EDARADD: variants seen among roughly 807,000 people sequenced by gnomAD.
The protein encoded by EDARADD is ectodysplasin-A receptor-associated adapter protein.
A neutral mutation model predicts 25.6 loss-of-function variants in EDARADD; 20 were observed. The ratio of observed to expected loss-of-function variants is 0.78; its 90% CI spans 0.55 to 1.14. The LOEUF is 1.14. Ranked by LOEUF, EDARADD falls within the 50% of genes most tolerant of loss-of-function variation. EDARADD has a pLI of 0.00. For missense variants in EDARADD, 225 were observed against 270.1 expected (o/e 0.83, Z 1.17); for synonymous variants, 86 against 94.4 (o/e 0.91, Z 0.52).
At position 236,482,309 on chromosome 1, in the gene EDARADD, C is replaced by T. The variant is rs114632254; in HGVS notation, c.308C>T (p.Ser103Phe). 0.027 allele frequency: 42,989 copies of T among 1,614,052 alleles called. 704 individuals carry two copies. The highest frequency in any genetic ancestry group is 0.038 in the Middle Eastern group (233 of 6,062). ...DNSCKENCTC[S>F]SCLLRAPTIS... is the part of the protein sequence containing the mutation. ...TCCTGCAAAGAAAACTGTACTTGTT[C>T]CTCCTGCTTGCTCCGGGCCCCCACC... Residue 103 changes from serine to phenylalanine, a missense_variant, in exon 6 of 6, where the codon TCC (serine) becomes TTC (phenylalanine). By Grantham distance (155) the Ser-to-Phe change is radical (BLOSUM62 -2). Coordinates refer to ENST00000334232, the MANE Select transcript of EDARADD (RefSeq NM_145861.4).
rs1016016917 is a variant in EDARADD, at chr1:236,349,707, A to G, written c.-142+741A>G. Among the ~76,000 whole-genome samples, 3 of 152,254 alleles carry G rather than the reference A, an allele frequency of 2.0e-5. No individual in the cohort carries two copies. The South Asian group carries it at 6.2e-4, about 32-fold the overall frequency. Reference sequence around the variant, plus strand: ...AGGAAGTTCTCCGATAGCAGACTTCAGAGACAGCAGGTTGTAAAATGTTTC... The same window carrying G: ...AGGAAGTTCTCCGATAGCAGACTTCGGAGACAGCAGGTTGTAAAATGTTTC... On this transcript the variant is annotated intron_variant, in intron 2 of 7. Transcript: ENST00000439430.
intron 4 of EDARADD, among the ~76,000 whole-genome samples, chr1:236,443,530 G>T (rs1460021186): frequency 6.6e-6 from 1 of 152,200 alleles, no homozygotes; most frequent in East Asian, 1.9e-4. Context: ...TTCAGTGGGG[G>T]AAGTAACTGC....
At chr1:236,397,146 A>C (rs1667530660) in intron 1 of EDARADD, among the ~76,000 whole-genome samples, 1 of 152,152 alleles carries the variant, frequency 6.6e-6, no homozygotes, top group African/African-American at 2.4e-5. Context: ...GCAGTGGCTC[A>C]GGCCTGTAAT....
intron 3 of EDARADD, among the ~76,000 whole-genome samples, chr1:236,375,570 C>T (rs1667215695): frequency 2.1e-5 from 3 of 143,974 alleles, no homozygotes; most frequent in South Asian, 2.2e-4. Flanking sequence ...GCAGGAGAAT[C>T]GCTTGAACCC....
At chr1:236,478,274 A>T (rs1659563568) in intron 5 of EDARADD, among the ~76,000 whole-genome samples, 1 of 151,834 alleles carries the variant, frequency 6.6e-6, no homozygotes, top group Admixed American at 6.6e-5. Flanking sequence ...ATTTATGTGA[A>T]AGGTATGCAT....
In EDARADD at chr1:236,443,831, G is replaced by A. The variant is rs189249132; in HGVS notation, c.219+16381G>A. Among the ~76,000 whole-genome samples the A allele has an allele frequency of 1.8e-4, 28 of 152,328 alleles. No individual in the cohort carries two copies. The East Asian group carries it at 5.2e-3, about 28-fold the overall frequency. On this transcript the variant is annotated intron_variant, in intron 4 of 5. Coordinates refer to ENST00000334232, the MANE Select transcript of EDARADD (RefSeq NM_145861.4). ...TGCACGAAGCAGGGGCAGGGCTTGA[G>A]AGAATTGACTTCAATTTGGAAAGAG... is the stretch of plus-strand genomic sequence containing the variant.
chr1:236,456,316 G>A (rs1004613350), intron 4 of EDARADD, among the ~76,000 whole-genome samples: 24 of 152,144 alleles, frequency 1.6e-4, no homozygotes, highest in South Asian at 4.1e-4. Flanking sequence ...AGAGCTGGCC[G>A]CTCACTCACC....
At chr1:236,424,121 A>AAAT (rs1055031526) in intron 3 of EDARADD, among the ~76,000 whole-genome samples, 2 of 151,520 alleles carry the variant, frequency 1.3e-5, no homozygotes, top group Non-Finnish European at 2.9e-5. Context: ...ATAAATAAAT[A>AAAT]AAATAAAATT....
intron 4 of EDARADD, among the ~76,000 whole-genome samples, chr1:236,450,424 C>T (rs10925130): frequency 0.11 from 17,105 of 151,958 alleles, 1,977 homozygotes; most frequent in African/African-American, 0.29. Flanking sequence ...GCTTTCTTCA[C>T]TTACTACAGT....
rs564347647 is a variant in EDARADD at position 236,476,866 on chromosome 1, A to G, written c.266-5401A>G. 8.6e-5 allele frequency among the ~76,000 whole-genome samples: 13 copies of G among 151,300 alleles called. No individual in the cohort carries two copies. The East Asian group carries it at 2.6e-3, about 30-fold the overall frequency. ...AAATTAAAAAATTAGTTGGGCATGG[A>G]GGTGCATGCCAGCTACTCGGGAGGC... On this transcript the variant is annotated intron_variant, in intron 5 of 5. Transcript: ENST00000334232.
chr1:236,447,080 C>G (rs902166866), intron 4 of EDARADD, among the ~76,000 whole-genome samples: 5 of 152,060 alleles, frequency 3.3e-5, no homozygotes, highest in Non-Finnish European at 7.4e-5. Flanking sequence ...TCTCTGTGAC[C>G]CTGGGCAGTG....
intron 4 of EDARADD, among the ~76,000 whole-genome samples, chr1:236,449,683 A>T (rs756718935): frequency 1.3e-5 from 2 of 152,148 alleles, no homozygotes; most frequent in East Asian, 1.9e-4. Flanking sequence ...ATGCTTACCT[A>T]CCCTTTGCTA....
At chr1:236,365,370 A>G (rs901332010) in intron 3 of EDARADD, among the ~76,000 whole-genome samples, 1 of 152,178 alleles carries the variant, frequency 6.6e-6, no homozygotes. Flanking sequence ...TATGTTGCCC[A>G]GGATGATCTC....
At chr1:236,455,851 G>A (rs934430558) in intron 4 of EDARADD, among the ~76,000 whole-genome samples, 18 of 152,122 alleles carry the variant, frequency 1.2e-4, no homozygotes, top group East Asian at 1.9e-4. Context: ...GAGCAGTTGC[G>A]CGATCTTTGC....
rs981346747 is a variant in EDARADD at position 236,398,766 on chromosome 1, G to A, written c.61+4261G>A. Among the ~76,000 whole-genome samples, 14 of 152,274 alleles carry A rather than the reference G, an allele frequency of 9.2e-5. No homozygotes were observed. Among genetic ancestry groups the A allele is most frequent in the African/African-American group, 3.1e-4 (13 of 41,540 alleles). On this transcript the variant is annotated intron_variant, in intron 1 of 5. Transcript: ENST00000334232. This position sits in a 1 kb window ranked among gnomAD's most constrained non-coding sequence, Gnocchi z 4.1. Reference sequence around the variant, plus strand: ...CTCATAGGTCACCGGGATCCAGCCCGATGTTATACATGCTCAGCAAACCCT... The same window carrying A: ...CTCATAGGTCACCGGGATCCAGCCCAATGTTATACATGCTCAGCAAACCCT...
chr1:236,482,127 A>G, intron 5 of EDARADD, 140 bp from the exon 6 acceptor site: 1 of 1,077,564 alleles, frequency 9.3e-7, no homozygotes, highest in Non-Finnish European at 1.3e-6. Flanking sequence ...AAAAAAAAAA[A>G]AAAAGAAAGA....
chr1:236,376,992 G>C (rs1194814636), intron 3 of EDARADD, among the ~76,000 whole-genome samples: 1 of 151,548 alleles, frequency 6.6e-6, no homozygotes, highest in Admixed American at 6.6e-5. Flanking sequence ...CTTCATTTCT[G>C]TTACAGTATT....
At chr1:236,378,685 TG>T (rs1459180088) in intron 3 of EDARADD, among the ~76,000 whole-genome samples, 1 of 152,210 alleles carries the variant, frequency 6.6e-6, no homozygotes, top group African/African-American at 2.4e-5. Context: ...ATTTTATTGT[TG>T]AATTGATATA....
At chr1:236,396,138 C>A (rs1052486168) in intron 1 of EDARADD, among the ~76,000 whole-genome samples, 1 of 152,184 alleles carries the variant, frequency 6.6e-6, no homozygotes, top group African/African-American at 2.4e-5. Flanking sequence ...CATTGGCCCT[C>A]GGAGCTATTT....
Sources: allele counts gnomAD v4.1 joint callset (sites outside exome capture counted in the v4.1 genomes callset), GRCh38; gene constraint gnomAD v4.1.1; non-coding constraint Gnocchi (gnomAD v3.1); transcripts MANE v1.5; gene names NCBI Gene and HGNC (gene_info 2026-07-23, HGNC 2026-07-21).